MYO3A: variants seen among roughly 807,000 people sequenced by gnomAD.
MYO3A encodes the protein myosin-IIIa.
In MYO3A, 180 loss-of-function variants were observed where a neutral mutation model predicts 192.7. The ratio of observed to expected loss-of-function variants is 0.93; its 90% CI spans 0.83 to 1.06. MYO3A has a LOEUF of 1.06. MYO3A is among the 50% of genes least tolerant of loss of function. The probability of loss-of-function intolerance (pLI) is 0.00; values close to 1 mark genes in which losing one functional copy is unlikely to be tolerated. For synonymous variants in MYO3A, 628 were observed against 645.3 expected (o/e 0.97, Z 0.41); for missense variants, 1,896 against 1,905.0 (o/e 1.00, Z 0.09).
chr10:26,205,615 T>TC (rs1843889433), intron 34 of MYO3A, among the ~76,000 whole-genome samples: 1 of 124,210 alleles, frequency 8.1e-6, no homozygotes, highest in East Asian at 2.2e-4. Flanking sequence ...TTTCTTTTTT[T>TC]TTTTTTTTTT....
intron 17 of MYO3A, among the ~76,000 whole-genome samples, chr10:26,104,900 T>G (rs937895877): frequency 7.2e-6 from 1 of 139,298 alleles, no homozygotes; most frequent in African/African-American, 2.5e-5. Context: ...CACACACCCA[T>G]GCAGATGTTG....
intron 4 of MYO3A, among the ~76,000 whole-genome samples, chr10:25,987,591 A>G (rs1427294023): frequency 1.3e-5 from 2 of 152,254 alleles, no homozygotes; most frequent in Non-Finnish European, 2.9e-5. Flanking sequence ...AATGGGCAAC[A>G]AGCATATGAA....
intron 10 of MYO3A, among the ~76,000 whole-genome samples, chr10:26,049,533 A>G (rs1843843544): frequency 6.6e-6 from 1 of 152,182 alleles, no homozygotes; most frequent in South Asian, 2.1e-4. Flanking sequence ...GGGGATCATT[A>G]TAGCAGTGGA....
At chr10:26,011,769 A>G (rs536902233) in intron 6 of MYO3A, among the ~76,000 whole-genome samples, 41 of 152,330 alleles carry the variant, frequency 2.7e-4, no homozygotes, top group African/African-American at 9.9e-4. Flanking sequence ...CTATGAAGCT[A>G]GTATCACCCT....
chr10:26,007,933 T>A (rs1841344823), intron 6 of MYO3A, among the ~76,000 whole-genome samples: 1 of 152,100 alleles, frequency 6.6e-6, no homozygotes, highest in Non-Finnish European at 1.5e-5. Flanking sequence ...AAGTCAATCC[T>A]AAGCCAAAAG....
chr10:26,040,546 C>T (rs185253796), intron 10 of MYO3A, among the ~76,000 whole-genome samples: 11 of 152,116 alleles, frequency 7.2e-5, no homozygotes, highest in East Asian at 3.9e-4. Flanking sequence ...CTTTTGTTTC[C>T]GAAGTTAATA....
intron 1 of MYO3A, among the ~76,000 whole-genome samples, chr10:25,934,872 G>A (rs534379606): frequency 6.6e-6 from 1 of 152,092 alleles, no homozygotes; most frequent in Non-Finnish European, 1.5e-5. Flanking sequence ...TGGCGTAAGG[G>A]GTGAAGGAAG....
intron 31 of MYO3A, among the ~76,000 whole-genome samples, chr10:26,189,895 T>C (rs1186126264): frequency 2.6e-5 from 4 of 152,006 alleles, no homozygotes; most frequent in Non-Finnish European, 4.4e-5. Flanking sequence ...AAACCCCATC[T>C]CTACTAAAAA....
At position 25,959,791 on chromosome 10, in the gene MYO3A, C is replaced by T. The variant is rs139486623; in HGVS notation, c.303+4783C>T. Among the ~76,000 whole-genome samples, 315 of 139,662 alleles carry T rather than the reference C, an allele frequency of 2.3e-3. 2 individuals are homozygous for T. Among genetic ancestry groups the T allele is most frequent in the African/African-American group, 8.3e-3 (306 of 36,902 alleles). 91.6% of individuals were successfully genotyped at this position (139,662 alleles called of 152,430 possible). On this transcript the variant is annotated intron_variant, in intron 4 of 34. Coordinates refer to ENST00000642920, the MANE Select transcript of MYO3A (RefSeq NM_017433.5). ...GTCAGCAGGGAACAAAATTTCCAGT[C>T]TCTTAACCTGGGTGTGTGTGTGTGT...
chr10:26,069,883 T>C (rs1835087332), intron 12 of MYO3A, among the ~76,000 whole-genome samples: 1 of 152,078 alleles, frequency 6.6e-6, no homozygotes, highest in Non-Finnish European at 1.5e-5. Context: ...AATTACTTTA[T>C]GTCATATCAT....
At chr10:26,168,029 C>T (rs910776440) in intron 27 of MYO3A, among the ~76,000 whole-genome samples, 6 of 152,220 alleles carry the variant, frequency 3.9e-5, no homozygotes, top group African/African-American at 1.2e-4. Context: ...GCCAAGCCTT[C>T]TGGCTCCTCC....
intron 4 of MYO3A, among the ~76,000 whole-genome samples, chr10:25,964,229 T>A (rs1838123038): frequency 6.6e-6 from 1 of 152,150 alleles, no homozygotes; most frequent in Non-Finnish European, 1.5e-5. Context: ...AAGAGCCAAT[T>A]ATATTATACA....
At chr10:26,169,814 T>C (rs1161014510) in intron 28 of MYO3A, among the ~76,000 whole-genome samples, 1 of 152,224 alleles carries the variant, frequency 6.6e-6, no homozygotes, top group East Asian at 1.9e-4. Flanking sequence ...TCAAAATTTA[T>C]AAAGCTCTGA....
At chr10:26,031,184 C>T (rs1167478046) in intron 10 of MYO3A, among the ~76,000 whole-genome samples, 1 of 152,204 alleles carries the variant, frequency 6.6e-6, no homozygotes, top group Non-Finnish European at 1.5e-5. Context: ...TACAAGCCCA[C>T]TTAAAAAGTA....
At chr10:26,081,701 C>T (rs1373167934) in intron 14 of MYO3A, among the ~76,000 whole-genome samples, 2 of 152,190 alleles carry the variant, frequency 1.3e-5, no homozygotes, top group East Asian at 3.9e-4. Context: ...GCAGGAGTGG[C>T]CTGCTAGGGG....
chr10:26,192,440 G>A (rs530421292), intron 31 of MYO3A, among the ~76,000 whole-genome samples: 3 of 152,264 alleles, frequency 2.0e-5, no homozygotes, highest in Admixed American at 1.3e-4. Flanking sequence ...GCAGTGCTTG[G>A]ATAGACGGGT....
chr10:26,170,661 G>A (rs1842006776), intron 29 of MYO3A, 122 bp downstream of exon 29: 6 of 1,050,236 alleles, frequency 5.7e-6, no homozygotes, highest in Non-Finnish European at 8.4e-6. Flanking sequence ...CACATCAAAT[G>A]TCAGTGAACA....
intron 17 of MYO3A, among the ~76,000 whole-genome samples, chr10:26,108,143 G>C (rs10828951): frequency 7.9e-5 from 12 of 152,044 alleles, no homozygotes; most frequent in Non-Finnish European, 1.8e-4. Flanking sequence ...GACTTTGCTC[G>C]TAACAGTTTA....
chr10:26,188,501 A>C (rs1175452669), intron 31 of MYO3A, among the ~76,000 whole-genome samples: 2 of 152,018 alleles, frequency 1.3e-5, no homozygotes, highest in African/African-American at 4.8e-5. Flanking sequence ...GTTTAATTAG[A>C]TCCCATTTGT....
Sources: gnomAD v4.1 joint callset for allele counts (sites outside exome capture counted in the v4.1 genomes callset) on GRCh38, gnomAD v4.1.1 for gene constraint, MANE v1.5 for transcripts, NCBI Gene and HGNC (gene_info 2026-07-23, HGNC 2026-07-21) for gene names.